Variants in RAPGEF2 observed in about 807,000 individuals in gnomAD.
RAPGEF2 encodes the protein Rap guanine nucleotide exchange factor 2.
RAPGEF2 carries 54 observed loss-of-function variants against 186.7 expected under a neutral mutation model. That is an observed-to-expected ratio of 0.29 (90% CI 0.23 to 0.36). The LOEUF is 0.36. RAPGEF2 is among the 10% of genes least tolerant of loss of function. RAPGEF2 has a pLI of 1.00. For missense variants in RAPGEF2, 1,532 were observed against 2,045.0 expected (o/e 0.75, Z 4.84); for synonymous variants, 712 against 705.9 (o/e 1.01, Z -0.14).
At chr4:159,201,930 C>T (rs114616813) in intron 3 of RAPGEF2, among the ~76,000 whole-genome samples, 1,693 of 152,172 alleles carry the variant, frequency 0.011, 11 homozygotes, top group Non-Finnish European at 0.017. Context: ...GATGATGATT[C>T]CTGTCTCCTT....
chr4:159,180,872 C>G (rs1421009905), intron 1 of RAPGEF2, among the ~76,000 whole-genome samples: 1 of 152,116 alleles, frequency 6.6e-6, no homozygotes, highest in Non-Finnish European at 1.5e-5. Flanking sequence ...TAACAATTTC[C>G]TGATTGATTT....
At chr4:159,178,551 C>CATTTTTT (rs1554005429) in intron 1 of RAPGEF2, among the ~76,000 whole-genome samples, 1 of 75,470 alleles carries the variant, frequency 1.3e-5, no homozygotes, top group Non-Finnish European at 2.3e-5. Flanking sequence ...ATGTATTATG[C>CATTTTTT]TTTTTTTTTT....
At chr4:159,137,040 A>C (rs910321191) in intron 1 of RAPGEF2, among the ~76,000 whole-genome samples, 5 of 152,168 alleles carry the variant, frequency 3.3e-5, no homozygotes, top group African/African-American at 1.2e-4. Flanking sequence ...GTAAACAGAA[A>C]AGGTGGGGGG....
intron 7 of RAPGEF2, among the ~76,000 whole-genome samples, chr4:159,302,431 A>G (rs1436142562): frequency 1.3e-5 from 2 of 152,232 alleles, no homozygotes; most frequent in African/African-American, 4.8e-5. Flanking sequence ...CTCTAATTAC[A>G]TGTATTGATT....
rs11320537 is a variant in RAPGEF2, at chr4:159,350,116, GT to G, written c.3713-10del. The G allele has an allele frequency of 0.42, 520,627 of 1,248,744 alleles. 88,465 individuals are homozygous for G. Among genetic ancestry groups the G allele is most frequent in the Non-Finnish European group, 0.45 (421,123 of 933,106 alleles). The allele number at this position is 1,248,744 out of a possible 1,614,324, so 77.4% of individuals were successfully genotyped here. A position where few individuals can be genotyped will look rare whatever the true frequency, so the allele number is the denominator to read the frequency against. On this transcript the variant is annotated intron_variant, in intron 25 of 29. Transcript: ENST00000691494. Reference sequence around the variant, plus strand: ...TCAGACTTGAAAATACATATTTAAGGTTTTTTTTTTTCCATTATAGGCATAA... The same window carrying G: ...TCAGACTTGAAAATACATATTTAAGGTTTTTTTTTTCCATTATAGGCATAA...
At chr4:159,167,968 A>G (rs1372600051) in intron 1 of RAPGEF2, among the ~76,000 whole-genome samples, 1 of 152,266 alleles carries the variant, frequency 6.6e-6, no homozygotes, top group Non-Finnish European at 1.5e-5. Flanking sequence ...AGGATCAACT[A>G]TGATGAAATG....
chr4:159,259,657 T>C (rs1756575109), intron 7 of RAPGEF2, among the ~76,000 whole-genome samples: 1 of 152,184 alleles, frequency 6.6e-6, no homozygotes, highest in South Asian at 2.1e-4. Flanking sequence ...TAGGTATGAC[T>C]GTTTAATGAA....
chr4:159,191,599 C>T (rs1206912028), intron 2 of RAPGEF2, among the ~76,000 whole-genome samples: 4 of 151,960 alleles, frequency 2.6e-5, no homozygotes, highest in African/African-American at 4.8e-5. Flanking sequence ...ATTAGCTGGG[C>T]GTGGTGGCGC....
At chr4:159,201,657 G>C (rs1009763511) in intron 3 of RAPGEF2, among the ~76,000 whole-genome samples, 1 of 152,222 alleles carries the variant, frequency 6.6e-6, no homozygotes, top group African/African-American at 2.4e-5. Flanking sequence ...AAAGGGTTTC[G>C]ATAGAGACTT....
At chr4:159,116,375 A>C (rs1739055835) in intron 1 of RAPGEF2, among the ~76,000 whole-genome samples, 1 of 152,196 alleles carries the variant, frequency 6.6e-6, no homozygotes, top group Non-Finnish European at 1.5e-5. Context: ...AATCAAAACC[A>C]CAGTGATATA....
chr4:159,275,481 C>T (rs7677823), intron 7 of RAPGEF2, among the ~76,000 whole-genome samples: 94,133 of 151,920 alleles, frequency 0.62, 30,373 homozygotes, highest in African/African-American at 0.77. Flanking sequence ...TCCCCTTTAT[C>T]GATACATCTG....
intron 7 of RAPGEF2, among the ~76,000 whole-genome samples, chr4:159,302,248 A>G (rs1467971167): frequency 1.3e-5 from 2 of 152,190 alleles, no homozygotes; most frequent in South Asian, 2.1e-4. Context: ...AGGGAAGATG[A>G]TGGATTCTGA....
chr4:159,295,454 C>T (rs1004757033), intron 7 of RAPGEF2, among the ~76,000 whole-genome samples: 6 of 151,886 alleles, frequency 4.0e-5, no homozygotes, highest in African/African-American at 1.2e-4. Context: ...CTGGCTGTCA[C>T]TTGAAATCCA....
chr4:159,137,034 A>G (rs1427024023), intron 1 of RAPGEF2, among the ~76,000 whole-genome samples: 2 of 152,290 alleles, frequency 1.3e-5, no homozygotes, highest in Admixed American at 6.5e-5. Context: ...TTATTTGTAA[A>G]CAGAAAAGGT....
chr4:159,268,071 T>TAA (rs1757648904), intron 7 of RAPGEF2: 1 of 1,525,816 alleles, frequency 6.6e-7, no homozygotes, highest in African/African-American at 1.4e-5. Context: ...CTTTTTCTTT[T>TAA]AATTTAATGC....
intron 11 of RAPGEF2, chr4:159,328,514 C>A (rs1306927826): frequency 6.6e-6 from 1 of 152,128 alleles, no homozygotes; most frequent in Non-Finnish European, 1.5e-5. Context: ...TATGATACTG[C>A]AATATGCTGT....
intron 7 of RAPGEF2, among the ~76,000 whole-genome samples, chr4:159,289,600 TA>T (rs368284297): frequency 1.7e-3 from 266 of 152,270 alleles, no homozygotes; most frequent in African/African-American, 5.9e-3. Context: ...ATCTGCTCAT[TA>T]AATACTTACT....
intron 7 of RAPGEF2, among the ~76,000 whole-genome samples, chr4:159,250,030 A>G (rs755702376): frequency 3.9e-5 from 6 of 152,232 alleles, no homozygotes; most frequent in Non-Finnish European, 8.8e-5. Context: ...AATTACACAT[A>G]GGCTAAAAAA....
rs182614159 is a variant in RAPGEF2, at chr4:159,229,985, G to T, written c.282-8824G>T. ...CATCACTTCTAGTTGTCATCTTGTG[G>T]TTGTTTAATATCAGATTTTAAGGAC... is the stretch of plus-strand genomic sequence containing the variant. On this transcript the variant is annotated intron_variant, in intron 4 of 29. Coordinates refer to ENST00000691494, the MANE Select transcript of RAPGEF2 (RefSeq NM_001394067.2). Among the ~76,000 whole-genome samples the T allele has an allele frequency of 2.0e-3, 304 of 152,246 alleles. 1 individual carries two copies. The highest frequency in any genetic ancestry group is 2.2e-3 in the Non-Finnish European group (150 of 68,010).
Sources: allele counts gnomAD v4.1 joint callset (sites outside exome capture counted in the v4.1 genomes callset), GRCh38; gene constraint gnomAD v4.1.1; transcripts MANE v1.5; gene names NCBI Gene and HGNC (gene_info 2026-07-23, HGNC 2026-07-21).